THSD7B: variants seen among roughly 807,000 people sequenced by gnomAD.
THSD7B encodes the protein thrombospondin type 1 domain containing 7B, also known as thrombospondin type-1 domain-containing protein 7B.
Under a neutral mutation model 213.6 loss-of-function variants are expected in THSD7B, and 138 were observed. The ratio of observed to expected loss-of-function variants is 0.65; its 90% CI spans 0.56 to 0.74. The LOEUF (loss-of-function observed/expected upper bound fraction) is 0.74, where lower values mean the gene tolerates loss of function less well. THSD7B is among the 30% of genes least tolerant of loss of function. The pLI is 0.00. For missense variants in THSD7B, 1,931 were observed against 1,991.5 expected, an observed-to-expected ratio of 0.97 and a Z score of 0.58; for synonymous variants, 742 against 687.0, an observed-to-expected ratio of 1.08 and a Z score of -1.25.
intron 7 of THSD7B, among the ~76,000 whole-genome samples, chr2:137,173,538 G>C (rs1027313893): frequency 6.6e-6 from 1 of 152,116 alleles, no homozygotes; most frequent in Non-Finnish European, 1.5e-5. Flanking sequence ...CTAATTTTCA[G>C]CTTTTGACCT....
intron 20 of THSD7B, among the ~76,000 whole-genome samples, chr2:137,625,509 T>C (rs1054990791): frequency 6.0e-5 from 9 of 151,182 alleles, no homozygotes; most frequent in South Asian, 2.1e-4. Context: ...CCTGAATAAA[T>C]AAATGACAGG....
chr2:137,164,967 A>T (rs1401881030), intron 6 of THSD7B, among the ~76,000 whole-genome samples: 1 of 152,172 alleles, frequency 6.6e-6, no homozygotes, highest in Non-Finnish European at 1.5e-5. Context: ...AACATGTCAC[A>T]TGTATACATA....
chr2:137,252,633 T>C (rs895454137), intron 10 of THSD7B, among the ~76,000 whole-genome samples: 3 of 152,170 alleles, frequency 2.0e-5, no homozygotes, highest in Non-Finnish European at 2.9e-5. Context: ...GGTCCCTCAG[T>C]GGCTCAGAAG....
chr2:137,297,659 G>T (rs1292471540), intron 12 of THSD7B, among the ~76,000 whole-genome samples: 1 of 152,018 alleles, frequency 6.6e-6, no homozygotes, highest in African/African-American at 2.4e-5. Context: ...GTTGTAGGAG[G>T]GACCTAGTGG....
chr2:137,642,706 G>A (rs757395545), intron 21 of THSD7B, 73 bp downstream of exon 21: 42 of 1,517,982 alleles, frequency 2.8e-5, no homozygotes, highest in Admixed American at 8.3e-5. Flanking sequence ...AAACCTATGC[G>A]CTGATGGAAT....
chr2:137,274,897 TC>T (rs964107719), intron 11 of THSD7B, among the ~76,000 whole-genome samples: 3 of 152,092 alleles, frequency 2.0e-5, no homozygotes, highest in African/African-American at 7.2e-5. Context: ...TGATTTTTTT[TC>T]CCCAACTCTT....
chr2:137,384,853 C>T (rs992254227), intron 12 of THSD7B, among the ~76,000 whole-genome samples: 2 of 152,026 alleles, frequency 1.3e-5, no homozygotes, highest in South Asian at 4.1e-4. Context: ...AAGATTCTAC[C>T]CTGGAACTCC....
rs747375489 is a variant in THSD7B, at chr2:136,890,304, CTTCT to C, written c.139+7989_139+7992del. 3.7e-4 allele frequency among the ~76,000 whole-genome samples: 4 copies of C among 10,730 alleles called. 2 individuals carry two copies. The highest frequency in any genetic ancestry group is 5.1e-4 in the Non-Finnish European group (2 of 3,942). 7.0% of individuals were successfully genotyped at this position (10,730 alleles called of 152,430 possible). Reference sequence around the variant, plus strand: ...GCTCATTCATGTCCATGTCCTACTCCTTCTTCTTCTTCTTCTTCTTCTTCTTCTT... The same window carrying C: ...GCTCATTCATGTCCATGTCCTACTCCTCTTCTTCTTCTTCTTCTTCTTCTT... On this transcript the variant is annotated intron_variant, in intron 2 of 27. Transcript: ENST00000409968.
Position 137,077,699 on chromosome 2 carries a change from G to T in THSD7B, c.951-17174G>T, listed in dbSNP as rs182719636. On this transcript the variant is annotated intron_variant, in intron 3 of 27. Transcript: ENST00000409968. ...TTGTTTTTTTCTTGTAAATTTGTTT[G>T]AGTTCATTGTAGATTCTGTATATTA... 1.1e-3 allele frequency among the ~76,000 whole-genome samples: 167 copies of T among 151,152 alleles called. 2 individuals are homozygous for T. The highest frequency in any genetic ancestry group is 4.0e-3 in the African/African-American group (163 of 40,832).
intron 26 of THSD7B, 21 bp downstream of exon 26, chr2:137,663,596 A>G (rs771564252): frequency 3.2e-6 from 5 of 1,578,998 alleles, no homozygotes; most frequent in African/African-American, 1.4e-5. Context: ...GTTGTGAGTA[A>G]GAAATGAAAA....
At chr2:137,393,349 C>A (rs1283399471) in intron 12 of THSD7B, among the ~76,000 whole-genome samples, 1 of 151,392 alleles carries the variant, frequency 6.6e-6, no homozygotes. Flanking sequence ...TGTGATATTC[C>A]CCTTCCTATG....
intron 2 of THSD7B, among the ~76,000 whole-genome samples, chr2:136,962,239 G>A (rs1685231486): frequency 6.6e-6 from 1 of 152,146 alleles, no homozygotes; most frequent in Admixed American, 6.5e-5. Flanking sequence ...GCTTGCAGAA[G>A]GAACTAACCC....
intron 24 of THSD7B, among the ~76,000 whole-genome samples, chr2:137,658,771 G>A (rs1318267383): frequency 6.6e-6 from 1 of 152,156 alleles, no homozygotes; most frequent in African/African-American, 2.4e-5. Context: ...CATTCCCAGG[G>A]ACAATGTAGG....
intron 12 of THSD7B, among the ~76,000 whole-genome samples, chr2:137,307,250 A>G (rs1486103726): frequency 6.6e-6 from 1 of 152,062 alleles, no homozygotes; most frequent in Non-Finnish European, 1.5e-5. Flanking sequence ...CCTTATTCTA[A>G]CACTTCTGAT....
rs182999135 is a variant in THSD7B, at chr2:136,807,150, C to T, written c.-36+41463C>T. On this transcript the variant is annotated intron_variant, in intron 1 of 27. Transcript: ENST00000409968. ...AGTTACTTTTTTATTTCCCCCTCTTCTATATGGTGCCTTTTGGACAAGTCA... is the reference window on the plus strand; with the variant it reads ...AGTTACTTTTTTATTTCCCCCTCTTTTATATGGTGCCTTTTGGACAAGTCA... Among the ~76,000 whole-genome samples the T allele has an allele frequency of 2.0e-5, 3 of 152,226 alleles. No individual in the cohort carries two copies. The East Asian group carries it at 5.8e-4, about 29-fold the overall frequency.
intron 14 of THSD7B, among the ~76,000 whole-genome samples, chr2:137,419,963 G>A (rs1686887987): frequency 6.6e-6 from 1 of 152,114 alleles, no homozygotes. Context: ...TATATACTCA[G>A]TACTGGAATT....
intron 3 of THSD7B, among the ~76,000 whole-genome samples, chr2:137,078,485 T>C (rs1271019667): frequency 2.0e-5 from 3 of 152,174 alleles, no homozygotes; most frequent in Non-Finnish European, 4.4e-5. Context: ...TCTTTTTATA[T>C]CTATGTGTTT....
chr2:137,361,757 T>C (rs774057152), intron 12 of THSD7B, among the ~76,000 whole-genome samples: 3 of 152,188 alleles, frequency 2.0e-5, no homozygotes, highest in African/African-American at 4.8e-5. Context: ...CTACGTTTGA[T>C]TGGTGTACCT....
At chr2:136,829,179 T>TAA (rs34727528) in intron 1 of THSD7B, among the ~76,000 whole-genome samples, 119,278 of 148,496 alleles carry the variant, frequency 0.8, 48,276 homozygotes, top group Non-Finnish European at 0.86. Flanking sequence ...ATCTAATTCT[T>TAA]AAAAAAAAAA....
Sources: gnomAD v4.1 joint callset for allele counts (sites outside exome capture counted in the v4.1 genomes callset) on GRCh38, gnomAD v4.1.1 for gene constraint, MANE v1.5 for transcripts, NCBI Gene and HGNC (gene_info 2026-07-23, HGNC 2026-07-21) for gene names.